Variants in UBXN2A observed in about 807,000 individuals in gnomAD.
UBXN2A encodes UBX domain protein 2A.
UBXN2A carries 28 observed loss-of-function variants against 28.4 expected under a neutral mutation model. That is an observed-to-expected ratio of 0.99 (90% CI 0.73 to 1.35). The LOEUF is 1.35. Among genes scored for constraint, UBXN2A ranks in the 40% most tolerant of loss-of-function variants. UBXN2A has a pLI of 0.00. For synonymous variants in UBXN2A, 97 were observed against 103.6 expected (o/e 0.94, Z 0.39); for missense variants, 253 against 297.9 (o/e 0.85, Z 1.11).
chr2:23,949,700 C>T (rs1296548531), intron 1 of UBXN2A, among the ~76,000 whole-genome samples: 3 of 151,996 alleles, frequency 2.0e-5, no homozygotes, highest in East Asian at 1.9e-4. Context: ...TGTGGTGAAA[C>T]GCTGTCTCTA....
intron 6 of UBXN2A, among the ~76,000 whole-genome samples, chr2:23,988,122 C>CAAAAAAA (rs34140980): frequency 8.3e-6 from 1 of 121,048 alleles, no homozygotes. Context: ...GGCTCCATCT[C>CAAAAAAA]AAAAAAAAAA....
chr2:23,952,521 C>T (rs1324464940), intron 1 of UBXN2A, among the ~76,000 whole-genome samples: 1 of 152,050 alleles, frequency 6.6e-6, no homozygotes, highest in Admixed American at 6.6e-5. Flanking sequence ...GTCAGCTCAC[C>T]ACAATCTCCA....
chr2:23,929,611 G>T (rs1018378186), intron 1 of UBXN2A, among the ~76,000 whole-genome samples: 7 of 151,846 alleles, frequency 4.6e-5, no homozygotes, highest in African/African-American at 1.7e-4. Flanking sequence ...TATTTGGGAG[G>T]CTGAGGCAGG....
At chr2:23,963,102 T>C (rs1157743188) in intron 2 of UBXN2A, among the ~76,000 whole-genome samples, 2 of 152,134 alleles carry the variant, frequency 1.3e-5, no homozygotes, top group African/African-American at 2.4e-5. Flanking sequence ...GAGAACAGCA[T>C]GGGAAAGACT....
chr2:24,003,169 G>A lies in UBXN2A; in HGVS notation c.*3302G>A, dbSNP rs1708750445. The A allele has an allele frequency of 6.6e-6, 1 of 152,188 alleles. No individual in the cohort carries two copies. Among genetic ancestry groups the A allele is most frequent in the African/African-American group, 2.4e-5 (1 of 41,444 alleles). 9.4% of individuals were successfully genotyped at this position (152,188 alleles called of 1,614,324 possible). A position where few individuals can be genotyped will look rare whatever the true frequency, so the allele number is the denominator to read the frequency against. On this transcript the variant is annotated 3_prime_UTR_variant, in exon 7 of 7. Coordinates refer to ENST00000309033, the MANE Select transcript of UBXN2A (RefSeq NM_181713.4). ...TTAATCTCACGTGATTCTTAAGTAT[G>A]TGGTGGAAGTACCTTTCTTCAGGAA... is the stretch of plus-strand genomic sequence containing the variant.
chr2:24,004,833 A>G lies in UBXN2A; in HGVS notation c.*4966A>G, dbSNP rs966741116. 3.9e-5 allele frequency: 6 copies of G among 152,242 alleles called. No homozygotes were observed. Among genetic ancestry groups the G allele is most frequent in the Admixed American group, 1.3e-4 (2 of 15,284 alleles). 9.4% of individuals were successfully genotyped at this position (152,242 alleles called of 1,614,324 possible). Reference sequence around the variant, plus strand: ...TGCATCTATTTCAGTGCCTTAAAGTATTTTGAGAGCAATCTTTTGCTGACA... The same window carrying G: ...TGCATCTATTTCAGTGCCTTAAAGTGTTTTGAGAGCAATCTTTTGCTGACA... On this transcript the variant is annotated 3_prime_UTR_variant, in exon 7 of 7. Coordinates refer to ENST00000309033, the MANE Select transcript of UBXN2A (RefSeq NM_181713.4).
intron 2 of UBXN2A, among the ~76,000 whole-genome samples, chr2:23,964,462 G>A (rs955100910): frequency 1.3e-5 from 2 of 152,100 alleles, no homozygotes; most frequent in East Asian, 1.9e-4. Context: ...CGCCTGCCTC[G>A]ACCTCCCAAA....
chr2:23,985,413 T>A (rs1471949787), intron 6 of UBXN2A, among the ~76,000 whole-genome samples: 1 of 152,076 alleles, frequency 6.6e-6, no homozygotes, highest in South Asian at 2.1e-4. Flanking sequence ...CAAGCCCGGC[T>A]AATTTTTGTA....
intron 1 of UBXN2A, among the ~76,000 whole-genome samples, chr2:23,947,874 G>T (rs879431537): frequency 1.3e-5 from 2 of 152,006 alleles, no homozygotes; most frequent in African/African-American, 2.4e-5. Flanking sequence ...GTTTTTTTGA[G>T]ATGGAGTTTT....
chr2:23,940,368 GACTT>G (rs1705683428), upstream of UBXN2A: 1 of 151,544 alleles, frequency 6.6e-6, no homozygotes, highest in Admixed American at 6.6e-5. Flanking sequence ...TTCCCGCCGG[GACTT>G]GAAGCGCCCG....
chr2:23,941,056 C>CA lies in UBXN2A; in HGVS notation c.-15+409dup, dbSNP rs200474040. ...CCTATTAGTGACTTCACCCGACTCC[C>CA]ACCACTCACTTTCTCTGATGTTTTG... On this transcript the variant is annotated intron_variant, in intron 1 of 6. Transcript: ENST00000309033. Among the ~76,000 whole-genome samples, 13 of 152,318 alleles carry CA rather than the reference C, an allele frequency of 8.5e-5. 1 individual carries two copies. In the East Asian group the frequency reaches 2.5e-3, roughly 29 times the overall value.
chr2:23,976,832 T>C (rs551857183), intron 3 of UBXN2A, 137 bp from the exon 4 acceptor site: 17 of 597,900 alleles, frequency 2.8e-5, no homozygotes, highest in African/African-American at 1.8e-4. Flanking sequence ...CCTCCTGTCT[T>C]GGCCTCCCGA....
chr2:23,950,037 T>C (rs1055829080), intron 1 of UBXN2A, among the ~76,000 whole-genome samples: 18 of 79,090 alleles, frequency 2.3e-4, no homozygotes, highest in African/African-American at 7.0e-4. Context: ...CAAGGATCGC[T>C]ACTCTTTGCT....
chr2:23,941,805 G>T (rs1472187266), intron 1 of UBXN2A, among the ~76,000 whole-genome samples: 2 of 152,212 alleles, frequency 1.3e-5, no homozygotes, highest in African/African-American at 2.4e-5. Flanking sequence ...CGGAGCGATG[G>T]CTCACGCCTG....
intron 1 of UBXN2A, among the ~76,000 whole-genome samples, chr2:23,929,669 C>T (rs1705312817): frequency 6.6e-6 from 1 of 151,308 alleles, no homozygotes; most frequent in South Asian, 2.1e-4. Context: ...GCTGAGATTG[C>T]ACCACTGCAC....
Position 23,985,607 on chromosome 2 carries a change from T to TG in UBXN2A, c.584+776_584+777insG, listed in dbSNP as rs1169609900. Among the ~76,000 whole-genome samples, 14 of 151,710 alleles carry TG rather than the reference T, an allele frequency of 9.2e-5. No individual in the cohort carries two copies. The East Asian group carries it at 2.7e-3, about 29-fold the overall frequency. Reference sequence around the variant, plus strand: ...AACATAATTATGTCTAGACAGTTTTTTTTTTTTTTTGAGGCAAGGTCTCAC... The same window carrying TG: ...AACATAATTATGTCTAGACAGTTTTTGTTTTTTTTTTGAGGCAAGGTCTCAC... On this transcript the variant is annotated intron_variant, in intron 6 of 6. Coordinates refer to ENST00000309033, the MANE Select transcript of UBXN2A (RefSeq NM_181713.4).
At chr2:23,972,542 G>T (rs965170875) in intron 3 of UBXN2A, among the ~76,000 whole-genome samples, 9 of 152,140 alleles carry the variant, frequency 5.9e-5, no homozygotes, top group Non-Finnish European at 1.2e-4. Flanking sequence ...TTTGTTTCTT[G>T]ACCGGGCGCG....
chr2:23,994,480 T>G (rs565885790), intron 6 of UBXN2A, among the ~76,000 whole-genome samples: 2 of 152,326 alleles, frequency 1.3e-5, no homozygotes, highest in African/African-American at 4.8e-5. Flanking sequence ...TTTCTAATTT[T>G]TTTCTTCTTT....
At chr2:23,945,992 C>T (rs1341697068) in intron 1 of UBXN2A, among the ~76,000 whole-genome samples, 2 of 151,374 alleles carry the variant, frequency 1.3e-5, no homozygotes, top group African/African-American at 2.4e-5. Flanking sequence ...TTCCCACGTC[C>T]GGCTAGTTTT....
Sources: allele counts gnomAD v4.1 joint callset (sites outside exome capture counted in the v4.1 genomes callset), GRCh38; gene constraint gnomAD v4.1.1; transcripts MANE v1.5; gene names NCBI Gene and HGNC (gene_info 2026-07-23, HGNC 2026-07-21).